The following NCOR2 variants were observed in gnomAD, a reference collection of about 807,000 sequenced individuals.
NCOR2 encodes the protein CTG repeat protein 26.
In NCOR2, 81 loss-of-function variants were observed where a neutral mutation model predicts 262.9. That is an observed-to-expected ratio of 0.31 (90% CI 0.26 to 0.37). The LOEUF (loss-of-function observed/expected upper bound fraction) is 0.37. Among genes scored for constraint, NCOR2 ranks in the 10% least tolerant of loss-of-function variants. The pLI is 1.00. For synonymous variants in NCOR2, 1,659 were observed against 1,559.3 expected (o/e 1.06, Z -1.51); for missense variants, 3,385 against 3,621.4 (o/e 0.93, Z 1.68).
In NCOR2 at chr12:124,426,559, C is replaced by T. The variant is rs543454231; in HGVS notation, c.1328+63G>A. ...ATTTGTGGTGGCTGCCGGGAGACAG[C>T]GCAGGCCTCAACAGGATGGGGGTGG... On this transcript the variant is annotated intron_variant, in intron 11 of 46. Coordinates refer to ENST00000405201, the Ensembl canonical transcript of NCOR2. 226 of 1,456,560 alleles carry T rather than the reference C, an allele frequency of 1.6e-4. 1 individual carries two copies. Among genetic ancestry groups the T allele is most frequent in the Admixed American group, 2.8e-4 (13 of 47,152 alleles). The allele number at this position is 1,456,560 out of a possible 1,614,324, so 90.2% of individuals were successfully genotyped here.
chr12:124,378,999 T>A lies in NCOR2; in HGVS notation c.2020-615A>T, dbSNP rs2040214390. ...AAGCAGCACTCAGAGGATCAGAGGG[T>A]CGCGTGGGTGAAACAGGATGGGACA... On this transcript the variant is annotated intron_variant, in intron 17 of 46. Transcript: ENST00000405201. The surrounding 1 kb of genome is among the most constrained non-coding windows in gnomAD (Gnocchi z 4.2). Among the ~76,000 whole-genome samples the A allele has an allele frequency of 6.6e-6, 1 of 152,180 alleles. No homozygotes were observed. Among genetic ancestry groups the A allele is most frequent in the Admixed American group, 6.5e-5 (1 of 15,280 alleles).
chr12:124,510,461 C>T (rs1258398614), intron 1 of NCOR2, among the ~76,000 whole-genome samples: 6 of 152,348 alleles, frequency 3.9e-5, no homozygotes, highest in Admixed American at 3.3e-4. Context: ...TTCCTCACAG[C>T]GCCCCCGTGA....
intron 1 of NCOR2, among the ~76,000 whole-genome samples, chr12:124,546,833 G>A (rs960762927): frequency 6.6e-6 from 1 of 152,120 alleles, no homozygotes; most frequent in South Asian, 2.1e-4. Context: ...CTCTGCAGAC[G>A]GTCCTGCCTG....
At position 124,378,401 on chromosome 12, in the gene NCOR2, C is replaced by G; in HGVS notation, c.2020-17G>C. 2 of 1,604,804 alleles carry G rather than the reference C, an allele frequency of 1.2e-6. No individual in the cohort carries two copies. Among genetic ancestry groups the G allele is most frequent in the Non-Finnish European group, 1.7e-6 (2 of 1,176,988 alleles). On this transcript the variant is annotated splice_polypyrimidine_tract_variant and intron_variant, in intron 17 of 46. Coordinates refer to ENST00000405201, the Ensembl canonical transcript of NCOR2. The surrounding 1 kb of genome is among the most constrained non-coding windows in gnomAD (Gnocchi z 4.2). ...CTCCTTCTCCTGGGGCACAGGGAAG[C>G]AGCAGATCAGGACTGGGGCCTGGGC...
At chr12:124,368,203 C>T (rs760684744) in intron 20 of NCOR2, among the ~76,000 whole-genome samples, 5 of 152,324 alleles carry the variant, frequency 3.3e-5, no homozygotes, top group African/African-American at 4.8e-5. Context: ...GTGACCAGCA[C>T]GTGGGGCCGA....
intron 43 of NCOR2, among the ~76,000 whole-genome samples, chr12:124,331,153 C>G (rs983451961): frequency 6.6e-6 from 1 of 151,834 alleles, no homozygotes; most frequent in Non-Finnish European, 1.5e-5. Context: ...ACCTCCGCCT[C>G]CCAGGTTCAA....
intron 3 of NCOR2, among the ~76,000 whole-genome samples, chr12:124,478,838 G>A (rs1048812612): frequency 6.6e-6 from 1 of 152,122 alleles, no homozygotes; most frequent in Non-Finnish European, 1.5e-5. Flanking sequence ...AAGAGATAGA[G>A]ATAGAGGGAC....
Position 124,410,083 on chromosome 12 carries a change from T to G in NCOR2, c.1483-7522A>C, listed in dbSNP as rs187571451. Among the ~76,000 whole-genome samples, 201 of 151,290 alleles carry G rather than the reference T, an allele frequency of 1.3e-3. 4 individuals carry two copies. Among genetic ancestry groups the G allele is most frequent in the East Asian group, 8.3e-3 (42 of 5,086 alleles). On this transcript the variant is annotated intron_variant, in intron 13 of 46. Coordinates refer to ENST00000405201, the Ensembl canonical transcript of NCOR2. Reference sequence around the variant, plus strand: ...AGGGACAACCTGCCGCCTGTGAGCCTGCCAGGGCCCCTCCCTCAGTGCCTC... The same window carrying G: ...AGGGACAACCTGCCGCCTGTGAGCCGGCCAGGGCCCCTCCCTCAGTGCCTC...
At position 124,483,180 on chromosome 12, in the gene NCOR2, C is replaced by T. The variant is rs1035055369; in HGVS notation, c.411+416G>A. Among the ~76,000 whole-genome samples the T allele has an allele frequency of 6.6e-6, 1 of 152,102 alleles. No individual in the cohort carries two copies. Among genetic ancestry groups the T allele is most frequent in the Admixed American group, 6.5e-5 (1 of 15,286 alleles). On this transcript the variant is annotated intron_variant, in intron 3 of 46. Coordinates refer to ENST00000405201, the Ensembl canonical transcript of NCOR2. This position sits in a 1 kb window ranked among gnomAD's most constrained non-coding sequence, Gnocchi z 6.3. ...AGCATGGAACCAAACAACCCACCCTCGAGGAAGCTCTCAGAATGTGCTGAA... is the reference window on the plus strand; with the variant it reads ...AGCATGGAACCAAACAACCCACCCTTGAGGAAGCTCTCAGAATGTGCTGAA...
intron 10 of NCOR2, 43 bp downstream of exon 12, chr12:124,429,570 C>T (rs1232325125): frequency 6.4e-7 from 1 of 1,551,970 alleles, no homozygotes; most frequent in Admixed American, 1.9e-5. Context: ...ACGGGGGATG[C>T]CAGGGAAAAG....
At position 124,390,211 on chromosome 12, in the gene NCOR2, C is replaced by T. The variant is rs374547808; in HGVS notation, c.1877-4324G>A. 1.1e-4 allele frequency among the ~76,000 whole-genome samples: 16 copies of T among 152,304 alleles called. No homozygotes were observed. In the East Asian group the frequency reaches 2.7e-3, roughly 26 times the overall value. The stretch of plus-strand genomic sequence containing the variant: ...TAAGGATGCCAACCCCGTGAAATCA[C>T]TCCTCTGCTTAAAATCTTCCAGTGA... On this transcript the variant is annotated intron_variant, in intron 16 of 46. Coordinates refer to ENST00000405201, the Ensembl canonical transcript of NCOR2.
chr12:124,445,099 CG>C (rs959799201), intron 7 of NCOR2, among the ~76,000 whole-genome samples: 2 of 152,202 alleles, frequency 1.3e-5, no homozygotes, highest in African/African-American at 4.8e-5. Context: ...AAGAGAAAAA[CG>C]AGCAACGGAA....
chr12:124,448,580 C>A (rs1335058333), intron 7 of NCOR2, among the ~76,000 whole-genome samples: 4 of 152,184 alleles, frequency 2.6e-5, no homozygotes, highest in Non-Finnish European at 5.9e-5. Context: ...TCAGGTGCTC[C>A]TGAACCCGAG....
Position 124,533,607 on chromosome 12 carries a change from C to T in NCOR2, c.-118+1958G>A, listed in dbSNP as rs1034471397. Reference sequence around the variant, plus strand: ...CCGCAGGGAGGACTAGGTGCTTGGCCGTCTTGTCCACAGGTCTATTCCCAG... The same window carrying T: ...CCGCAGGGAGGACTAGGTGCTTGGCTGTCTTGTCCACAGGTCTATTCCCAG... On this transcript the variant is annotated intron_variant, in intron 1 of 46. Coordinates refer to the NCOR2 transcript ENST00000404621. 9.9e-5 allele frequency among the ~76,000 whole-genome samples: 15 copies of T among 152,280 alleles called. No homozygotes were observed. In the East Asian group the frequency reaches 1.5e-3, roughly 16 times the overall value.
chr12:124,365,476 C>T (rs12312335), intron 20 of NCOR2, among the ~76,000 whole-genome samples: 3,354 of 152,278 alleles, frequency 0.022, 122 homozygotes, highest in African/African-American at 0.077. Flanking sequence ...AGGCCCCTGC[C>T]GGCAGTCCCC....
At chr12:124,447,220 AG>A (rs1393895760) in intron 7 of NCOR2, among the ~76,000 whole-genome samples, 37 of 152,362 alleles carry the variant, frequency 2.4e-4, no homozygotes, top group Middle Eastern at 3.4e-3. Flanking sequence ...CAGCACATCT[AG>A]TTGTTTTAAA....
chr12:124,404,349 C>T (rs904831550), intron 13 of NCOR2, among the ~76,000 whole-genome samples: 3 of 152,334 alleles, frequency 2.0e-5, no homozygotes, highest in South Asian at 2.1e-4. Flanking sequence ...TTGAATCACA[C>T]GGGCTTGGTG....
intron 13 of NCOR2, among the ~76,000 whole-genome samples, chr12:124,407,964 C>T (rs1216029952): frequency 1.3e-5 from 2 of 152,232 alleles, no homozygotes; most frequent in East Asian, 3.8e-4. Context: ...CTAACACCTG[C>T]TCTCTGTCCC....
chr12:124,448,285 C>T (rs1399940271), intron 7 of NCOR2, among the ~76,000 whole-genome samples: 1 of 152,232 alleles, frequency 6.6e-6, no homozygotes, highest in Non-Finnish European at 1.5e-5. Flanking sequence ...CTTCCCACCC[C>T]AGACAGGGGC....
Sources: allele counts gnomAD v4.1 joint callset (sites outside exome capture counted in the v4.1 genomes callset), GRCh38; gene constraint gnomAD v4.1.1; non-coding constraint Gnocchi (gnomAD v3.1); transcripts MANE v1.5; gene names NCBI Gene and HGNC (gene_info 2026-07-23, HGNC 2026-07-21).